The following HSPH1 variants were observed in gnomAD, a reference collection of about 807,000 sequenced individuals.
HSPH1 encodes heat shock protein 105 kDa.
Under a neutral mutation model 100.0 loss-of-function variants are expected in HSPH1, and 40 were observed. The ratio of observed to expected loss-of-function variants is 0.40; its 90% CI spans 0.31 to 0.52. The LOEUF is 0.52. Ranked by LOEUF, HSPH1 falls within the 20% of genes least tolerant of loss-of-function variation. The probability of loss-of-function intolerance (pLI) is 0.54; values close to 1 mark genes in which losing one functional copy is unlikely to be tolerated. For missense variants in HSPH1, 876 were observed against 1,015.1 expected (o/e 0.86, Z 1.86); for synonymous variants, 403 against 344.0 (o/e 1.17, Z -1.90).
At chr13:31,150,454 CCT>C (rs948308125) in intron 7 of HSPH1, among the ~76,000 whole-genome samples, 27 of 152,232 alleles carry the variant, frequency 1.8e-4, no homozygotes, top group East Asian at 5.8e-4. Flanking sequence ...AATTTTTCCC[CCT>C]GACACAGAGT....
rs1446223492 is a variant in HSPH1 at position 31,149,892 on chromosome 13, C to T, written c.1137+62G>A. On this transcript the variant is annotated intron_variant, in intron 8 of 17. Coordinates refer to ENST00000320027, the MANE Select transcript of HSPH1 (RefSeq NM_006644.4). ...GTCTCTGTTTATTATCCCACCATGA[C>T]GACATCCAGTGGAAACTGTTTAAAG... 20 of 1,300,632 alleles carry T rather than the reference C, an allele frequency of 1.5e-5. No homozygotes were observed. The Admixed American group carries it at 2.0e-4, about 13-fold the overall frequency. 80.6% of individuals were successfully genotyped at this position (1,300,632 alleles called of 1,614,324 possible).
intron 13 of HSPH1, chr13:31,140,834 A>G (rs1956062886): frequency 4.1e-6 from 1 of 241,190 alleles, no homozygotes; most frequent in Non-Finnish European, 7.8e-6. Flanking sequence ...TCTAATAGAA[A>G]TATTTAGTGT....
chr13:31,143,545 G>A (rs1187974320), intron 12 of HSPH1, among the ~76,000 whole-genome samples: 2 of 152,030 alleles, frequency 1.3e-5, no homozygotes, highest in Non-Finnish European at 2.9e-5. Context: ...TTAGTCTCTT[G>A]TTACTTCGAG....
rs1565991524 is a variant in HSPH1, at chr13:31,137,143, C to T, written c.*175G>A. 2 of 744,646 alleles carry T rather than the reference C, an allele frequency of 2.7e-6. No individual in the cohort carries two copies. Among genetic ancestry groups the T allele is most frequent in the Non-Finnish European group, 5.0e-6 (2 of 402,502 alleles). 46.1% of individuals were successfully genotyped at this position (744,646 alleles called of 1,614,324 possible). A position where few individuals can be genotyped will look rare whatever the true frequency, so the allele number is the denominator to read the frequency against. ...CTGAAAGTTACCAAGGCAATTTTCC[C>T]TTTTAGGATCATAAAGACTACAGAC... On this transcript the variant is annotated 3_prime_UTR_variant, in exon 18 of 18. Transcript: ENST00000320027.
intron 13 of HSPH1, chr13:31,140,819 T>C (rs1445716374): frequency 1.4e-5 from 3 of 214,462 alleles, no homozygotes; most frequent in Middle Eastern, 1.5e-3. Context: ...AAAAATACAA[T>C]GTATTCTAAT....
intron 2 of HSPH1, among the ~76,000 whole-genome samples, chr13:31,158,589 T>A (rs1956787039): frequency 1.4e-5 from 2 of 142,810 alleles, no homozygotes; most frequent in Admixed American, 7.0e-5. Flanking sequence ...GGATGGCAGA[T>A]TAGAAAGTTA....
chr13:31,137,566 A>G, intron 17 of HSPH1, 42 bp from the exon 18 acceptor site: 1 of 1,461,766 alleles, frequency 6.8e-7, no homozygotes. Context: ...ACTCAGATCC[A>G]TCCAGTTCAT....
Sources: allele counts gnomAD v4.1 joint callset (sites outside exome capture counted in the v4.1 genomes callset), GRCh38; gene constraint gnomAD v4.1.1; transcripts MANE v1.5; gene names NCBI Gene and HGNC (gene_info 2026-07-23, HGNC 2026-07-21).